WWOX: variants seen among roughly 807,000 people sequenced by gnomAD.
WWOX encodes the protein WW domain containing oxidoreductase.
A neutral mutation model predicts 46.2 loss-of-function variants in WWOX; 69 were observed. The observed-to-expected ratio is 1.49, with a 90% CI of 1.23 to 1.82. WWOX has a LOEUF of 1.82. Among genes scored for constraint, WWOX ranks in the 40% most tolerant of loss-of-function variants. The pLI, the probability that WWOX is intolerant of heterozygous loss-of-function variation, is 0.00. For missense variants in WWOX, 919 were observed against 542.6 expected (o/e 1.69, Z -6.89); for synonymous variants, 359 against 202.6 (o/e 1.77, Z -6.56).
At chr16:78,751,517 A>G (rs2049479098) in intron 8 of WWOX, among the ~76,000 whole-genome samples, 1 of 147,880 alleles carries the variant, frequency 6.8e-6, no homozygotes, top group African/African-American at 2.5e-5. Flanking sequence ...ATATACATGT[A>G]AAGACCCAAA....
chr16:78,643,788 C>G (rs768978290), intron 8 of WWOX, among the ~76,000 whole-genome samples: 1 of 149,290 alleles, frequency 6.7e-6, no homozygotes, highest in African/African-American at 2.5e-5. Flanking sequence ...TTTGCTTGCT[C>G]AGCAGTTGAA....
chr16:78,334,996 G>C (rs67787349), intron 5 of WWOX, among the ~76,000 whole-genome samples: 30,369 of 151,674 alleles, frequency 0.2, 3,608 homozygotes, highest in East Asian at 0.45. Flanking sequence ...GAGACCAGAG[G>C]TTCCCCAAGT....
In WWOX at chr16:78,249,844, G is replaced by T. The variant is rs1340754088; in HGVS notation, c.516+85555G>T. On this transcript the variant is annotated intron_variant, in intron 5 of 8. Transcript: ENST00000566780. ...CAGAGATGGCTGTGGGGTGGGGGCTGGGGGCTGGGGGCCTGGAAGGGGAGA... is the reference window on the plus strand; with the variant it reads ...CAGAGATGGCTGTGGGGTGGGGGCTTGGGGCTGGGGGCCTGGAAGGGGAGA... Among the ~76,000 whole-genome samples the T allele has an allele frequency of 2.0e-5, 3 of 152,058 alleles. No individual in the cohort carries two copies. The East Asian group carries it at 5.8e-4, about 30-fold the overall frequency.
chr16:78,904,922 G>T (rs148372934), intron 8 of WWOX, among the ~76,000 whole-genome samples: 1 of 152,092 alleles, frequency 6.6e-6, no homozygotes, highest in African/African-American at 2.4e-5. Context: ...CCTTTTCCCA[G>T]TTGGTGCCCC....
chr16:79,089,458 A>G (rs937159733), intron 8 of WWOX, among the ~76,000 whole-genome samples: 8 of 151,552 alleles, frequency 5.3e-5, no homozygotes, highest in African/African-American at 1.9e-4. Flanking sequence ...CAGCCTCCCG[A>G]GTAGCTGGGA....
intron 8 of WWOX, among the ~76,000 whole-genome samples, chr16:78,451,024 A>T (rs1939628877): frequency 1.3e-5 from 2 of 152,162 alleles, no homozygotes; most frequent in Admixed American, 1.3e-4. Context: ...AACCCGGAAG[A>T]GTCTTTCTTG....
intron 8 of WWOX, among the ~76,000 whole-genome samples, chr16:78,761,718 C>G (rs1359524173): frequency 2.0e-5 from 3 of 152,166 alleles, no homozygotes; most frequent in Non-Finnish European, 2.9e-5. Flanking sequence ...CTTTGTGGCA[C>G]TACAAGGTCC....
At chr16:78,882,687 C>T (rs535762736) in intron 8 of WWOX, among the ~76,000 whole-genome samples, 4 of 152,158 alleles carry the variant, frequency 2.6e-5, no homozygotes, top group Non-Finnish European at 5.9e-5. Flanking sequence ...AGGGGTTTCA[C>T]CTTGCTGGCC....
At chr16:78,246,921 A>T (rs961249660) in intron 5 of WWOX, among the ~76,000 whole-genome samples, 2 of 152,110 alleles carry the variant, frequency 1.3e-5, no homozygotes, top group African/African-American at 4.8e-5. Flanking sequence ...TCGGAGCCAC[A>T]AGAATGCAAG....
At chr16:78,224,031 T>A (rs2036973146) in intron 5 of WWOX, among the ~76,000 whole-genome samples, 1 of 151,898 alleles carries the variant, frequency 6.6e-6, no homozygotes. Context: ...GAGACTGGAG[T>A]CTTGCTCTGT....
chr16:78,799,576 A>G (rs1232163544), intron 8 of WWOX, among the ~76,000 whole-genome samples: 1 of 151,778 alleles, frequency 6.6e-6, no homozygotes. Flanking sequence ...AGGAGGGGTG[A>G]GGCTGTCAGA....
At chr16:78,882,479 T>TC (rs1347214102) in intron 8 of WWOX, among the ~76,000 whole-genome samples, 2 of 151,556 alleles carry the variant, frequency 1.3e-5, no homozygotes, top group African/African-American at 4.8e-5. Context: ...ATACATCTTT[T>TC]TTTTTTTTTT....
At chr16:78,869,355 C>G (rs182910100) in intron 8 of WWOX, among the ~76,000 whole-genome samples, 1 of 152,226 alleles carries the variant, frequency 6.6e-6, no homozygotes, top group Admixed American at 6.5e-5. Context: ...TTCCAAGCAT[C>G]CAGACTGCAA....
chr16:79,115,139 C>T (rs375973582), intron 8 of WWOX, among the ~76,000 whole-genome samples: 13 of 152,194 alleles, frequency 8.5e-5, no homozygotes, highest in African/African-American at 2.9e-4. Context: ...TTAACTCCTT[C>T]GTGTTCCCCA....
intron 8 of WWOX, among the ~76,000 whole-genome samples, chr16:79,075,765 A>T (rs1029453065): frequency 6.6e-6 from 1 of 152,038 alleles, no homozygotes; most frequent in African/African-American, 2.4e-5. Flanking sequence ...GTGATTTTTC[A>T]AGTAAGGTAA....
At chr16:78,856,054 T>G (rs2052558634) in intron 8 of WWOX, among the ~76,000 whole-genome samples, 1 of 152,234 alleles carries the variant, frequency 6.6e-6, no homozygotes, top group African/African-American at 2.4e-5. Flanking sequence ...AGGGAAAGTT[T>G]CCTTCAGACA....
intron 5 of WWOX, among the ~76,000 whole-genome samples, chr16:78,363,940 G>T (rs564994579): frequency 3.9e-5 from 6 of 152,334 alleles, no homozygotes; most frequent in African/African-American, 1.2e-4. Context: ...GCTTCCGGAA[G>T]AATGCCTGTC....
At chr16:78,657,791 C>G (rs1389927422) in intron 8 of WWOX, among the ~76,000 whole-genome samples, 3 of 152,014 alleles carry the variant, frequency 2.0e-5, no homozygotes, top group Non-Finnish European at 2.9e-5. Context: ...CATTGTTGTC[C>G]TTTTTTATTA....
At chr16:78,986,207 C>A (rs529698886) in intron 8 of WWOX, among the ~76,000 whole-genome samples, 1 of 152,220 alleles carries the variant, frequency 6.6e-6, no homozygotes, top group East Asian at 1.9e-4. Flanking sequence ...ATATGCAGCG[C>A]GCTTGCAATT....
Sources: allele counts gnomAD v4.1 joint callset (sites outside exome capture counted in the v4.1 genomes callset), GRCh38; gene constraint gnomAD v4.1.1; transcripts MANE v1.5; gene names NCBI Gene and HGNC (gene_info 2026-07-23, HGNC 2026-07-21).